Variants in PCDHB7 observed in about 807,000 individuals in gnomAD.
The protein encoded by PCDHB7 is protocadherin beta-7.
For missense variants in PCDHB7, 1,148 were observed against 1,011.6 expected (o/e 1.13, Z -1.83); for synonymous variants, 542 against 463.1 (o/e 1.17, Z -2.19).
rs183142485 is a variant in PCDHB7 at position 141,176,157 on chromosome 5, T to C, written c.*940T>C. 1 of 167,304 alleles carries C rather than the reference T, an allele frequency of 6.0e-6. No individual in the cohort carries two copies. Among genetic ancestry groups the C allele is most frequent in the East Asian group, 1.9e-4 (1 of 5,190 alleles). The allele number at this position is 167,304 out of a possible 1,614,324, so 10.4% of individuals were successfully genotyped here. A position where few individuals can be genotyped will look rare whatever the true frequency, so the allele number is the denominator to read the frequency against. ...TTGATTGCATCATTAGTTAATTATT[T>C]TCTTCATATTGTAGATTTTCTGCAG... On this transcript the variant is annotated 3_prime_UTR_variant, in exon 1 of 1. Transcript: ENST00000231137.
chr5:141,174,479 C>G lies in PCDHB7; in HGVS notation c.1644C>G (p.Arg548=), dbSNP rs782058517. The change falls in exon 1 of 1, where the codon CGC becomes CGG. Residue 548 remains arginine (R), a synonymous_variant. Transcript: ENST00000231137. The part of the protein sequence containing the change: ...SPALSSEALV[R]VLVLDANDNS... The stretch of plus-strand genomic sequence containing the variant: ...CGCTGAGCAGCGAGGCGCTGGTGCG[C>G]GTGCTGGTGCTGGACGCCAACGACA... 7 of 1,611,190 alleles carry G rather than the reference C, an allele frequency of 4.3e-6. No homozygotes were observed. In the South Asian group the frequency reaches 7.7e-5, roughly 18 times the overall value.
In PCDHB7 at chr5:141,173,052, C is replaced by A; in HGVS notation, c.217C>A (p.Gln73Lys). 1 of 1,614,162 alleles carries A rather than the reference C, an allele frequency of 6.2e-7. No individual in the cohort carries two copies. Among genetic ancestry groups the A allele is most frequent in the Middle Eastern group, 1.6e-4 (1 of 6,062 alleles). ...TAGAATTGTTTCAGACCAGAACATG[C>A]AAATTTTACTGCTCAGTTCGCTTAC... ...GTRIVSDQNM[Q>K]ILLLSSLTGD... The change falls in exon 1 of 1, where the codon CAA becomes AAA. Residue 73 changes from glutamine (Q) to lysine (K), a missense_variant. By Grantham distance (53) the Gln-to-Lys change is moderately conservative (BLOSUM62 1). Transcript: ENST00000231137.
rs267600425 is a variant in PCDHB7 at position 141,173,114 on chromosome 5, G to A, written c.279G>A (p.Glu93=). Residue 93 remains glutamate (E), a synonymous_variant, in exon 1 of 1, where the codon GAG becomes GAA. Transcript: ENST00000231137. ...DLLLNEKLDR[E]ELCGPREPCV... Reference sequence around the variant, plus strand: ...TTCTAAATGAGAAATTGGACCGAGAGGAACTGTGTGGCCCCAGAGAGCCCT... The same window carrying A: ...TTCTAAATGAGAAATTGGACCGAGAAGAACTGTGTGGCCCCAGAGAGCCCT... The A allele has an allele frequency of 3.1e-6, 5 of 1,614,082 alleles. No individual in the cohort carries two copies. The African/African-American group carries it at 6.7e-5, about 22-fold the overall frequency.
Position 141,172,927 on chromosome 5 carries a change from T to A in PCDHB7, c.92T>A (p.Leu31His), listed in dbSNP as rs782653378. Residue 31 changes from leucine to histidine, a missense_variant, in exon 1 of 1, where the codon CTT becomes CAT. Leu to His is a moderately conservative substitution (Grantham distance 99, BLOSUM62 -3). Transcript: ENST00000231137. ...ATGTCTTGGGCTGGCGCCGAACCGC[T>A]TCGGTATTTTGTGGCGGAGGAAACC... ...LGMSWAGAEP[L>H]RYFVAEETER... 6.2e-7 allele frequency: 1 copy of A among 1,614,208 alleles called. No homozygotes were observed. Among genetic ancestry groups the A allele is most frequent in the African/African-American group, 1.3e-5 (1 of 75,048 alleles).
At position 141,174,119 on chromosome 5, in the gene PCDHB7, A is replaced by G; in HGVS notation, c.1284A>G (p.Thr428=). The G allele has an allele frequency of 6.2e-7, 1 of 1,614,144 alleles. No individual in the cohort carries two copies. Among genetic ancestry groups the G allele is most frequent in the South Asian group, 1.1e-5 (1 of 91,080 alleles). ...CCATCACCGTCACCGACTTGGGGACACCCAGGCTGAAAACCGAGCACAACA... is the reference window on the plus strand; with the variant it reads ...CCATCACCGTCACCGACTTGGGGACGCCCAGGCTGAAAACCGAGCACAACA... ...NITITVTDLG[T]PRLKTEHNIT... is the part of the protein sequence containing the mutation. The change falls in exon 1 of 1, where the codon ACA becomes ACG. Residue 428 remains threonine, a synonymous_variant. Transcript: ENST00000231137.
At position 141,174,145 on chromosome 5, in the gene PCDHB7, T is replaced by C. The variant is rs782423245; in HGVS notation, c.1310T>C (p.Ile437Thr). ...CCCAGGCTGAAAACCGAGCACAACA[T>C]AACCGTGCTGGTCTCCGACGTCAAT... is the stretch of plus-strand genomic sequence containing the variant. The part of the protein sequence containing the change: ...GTPRLKTEHN[I>T]TVLVSDVNDN... The change falls in exon 1 of 1, where the codon ATA (isoleucine) becomes ACA (threonine). Residue 437 changes from isoleucine to threonine, a missense_variant. Coordinates refer to ENST00000231137, the MANE Select transcript of PCDHB7 (RefSeq NM_018940.4). The C allele has an allele frequency of 1.2e-6, 2 of 1,613,986 alleles. No homozygotes were observed. Among genetic ancestry groups the C allele is most frequent in the East Asian group, 2.2e-5 (1 of 44,878 alleles).
Position 141,173,564 on chromosome 5 carries a change from G to A in PCDHB7, c.729G>A (p.Val243=), listed in dbSNP as rs1329979707. The A allele has an allele frequency of 6.2e-7, 1 of 1,613,606 alleles. No homozygotes were observed. Among genetic ancestry groups the A allele is most frequent in the Non-Finnish European group, 8.5e-7 (1 of 1,179,656 alleles). The change falls in exon 1 of 1, where the codon GTG becomes GTA. Residue 243 remains valine (V), a synonymous_variant. Transcript: ENST00000231137. ...TAAATGACAACGCCCCTGATTTTGTGCGGTCGCTCTACAAGGTGCAGGTGC... is the reference window on the plus strand; with the variant it reads ...TAAATGACAACGCCCCTGATTTTGTACGGTCGCTCTACAAGGTGCAGGTGC... ...LDVNDNAPDF[V]RSLYKVQVPE... is the part of the protein sequence containing the mutation.
At position 141,174,209 on chromosome 5, in the gene PCDHB7, G is replaced by C. The variant is rs782069697; in HGVS notation, c.1374G>C (p.Leu458=). 1 of 1,613,382 alleles carries C rather than the reference G, an allele frequency of 6.2e-7. No homozygotes were observed. The highest frequency in any genetic ancestry group is 1.1e-5 in the South Asian group (1 of 91,034). The part of the protein sequence containing the change: ...APAFTQTSYT[L]FVRENNSPAL... Reference sequence around the variant, plus strand: ...CCTTCACCCAAACCTCCTACACCCTGTTTGTCCGTGAGAACAACAGCCCCG... The same window carrying C: ...CCTTCACCCAAACCTCCTACACCCTCTTTGTCCGTGAGAACAACAGCCCCG... Residue 458 remains leucine, a synonymous_variant, in exon 1 of 1, where the codon CTG becomes CTC. Transcript: ENST00000231137.
rs369077920 is a variant in PCDHB7, at chr5:141,174,102, G to A, written c.1267G>A (p.Val423Ile). 1.9e-6 allele frequency: 3 copies of A among 1,613,834 alleles called. No individual in the cohort carries two copies. Among genetic ancestry groups the A allele is most frequent in the Admixed American group, 3.3e-5 (2 of 60,006 alleles). ...CACTGAGTACAACATCACCATCACCGTCACCGACTTGGGGACACCCAGGCT... is the reference window on the plus strand; with the variant it reads ...CACTGAGTACAACATCACCATCACCATCACCGACTTGGGGACACCCAGGCT... ...RNTEYNITIT[V>I]TDLGTPRLKT... The change falls in exon 1 of 1, where the codon GTC becomes ATC. Residue 423 changes from valine (V) to isoleucine (I), a missense_variant. Transcript: ENST00000231137.
In PCDHB7 at chr5:141,174,749, G is replaced by C. The variant is rs1811238; in HGVS notation, c.1914G>C (p.Gln638His). The stretch of plus-strand genomic sequence containing the variant: ...TGAGCGAGCGCGACGCAGCCAAGCA[G>C]AGGCTGGTGGTGCTGGTCAAGGACA... ...RLLSERDAAK[Q>H]RLVVLVKDNG... Residue 638 changes from glutamine to histidine, a missense_variant, in exon 1 of 1, where the codon CAG becomes CAC. Coordinates refer to ENST00000231137, the MANE Select transcript of PCDHB7 (RefSeq NM_018940.4). The C allele has an allele frequency of 0.02, 31,512 of 1,607,418 alleles. 1,379 individuals carry two copies. The highest frequency in any genetic ancestry group is 0.17 in the African/African-American group (12,680 of 74,608).
rs1206113487 is a variant in PCDHB7 at position 141,173,401 on chromosome 5, A to G, written c.566A>G (p.Asn189Ser). Residue 189 changes from asparagine (N) to serine (S), a missense_variant, in exon 1 of 1, where the codon AAT (asparagine) becomes AGT (serine). By Grantham distance (46) the Asn-to-Ser change is conservative. Transcript: ENST00000231137. Reference sequence around the variant, plus strand: ...AATGTCCATGATAGCGGGGAGGGGAATATCTATCCCGAATTGGTGCTGAAT... The same window carrying G: ...AATGTCCATGATAGCGGGGAGGGGAGTATCTATCCCGAATTGGTGCTGAAT... ...HINVHDSGEG[N>S]IYPELVLNQV... 1.2e-6 allele frequency: 2 copies of G among 1,614,166 alleles called. No homozygotes were observed. The highest frequency in any genetic ancestry group is 2.2e-5 in the East Asian group (1 of 44,880).
In PCDHB7 at chr5:141,174,423, C is replaced by T. The variant is rs782375104; in HGVS notation, c.1588C>T (p.Arg530Cys). 4.3e-6 allele frequency: 7 copies of T among 1,612,024 alleles called. No homozygotes were observed. Among genetic ancestry groups the T allele is most frequent in the Middle Eastern group, 2.1e-4 (1 of 4,816 alleles). Residue 530 changes from arginine (R) to cysteine (C), a missense_variant, in exon 1 of 1, where the codon CGC becomes TGC. By Grantham distance (180) the Arg-to-Cys change is radical. Transcript: ENST00000231137. The stretch of plus-strand genomic sequence containing the variant: ...CGAGGCCCTGCAGGCGTTCGAGTTC[C>T]GCGTGGGCGCCACAGACCGCGGCTC... ...DYEALQAFEFRVGATDRGSPA... is the reference protein window; with the variant it reads ...DYEALQAFEFCVGATDRGSPA...
chr5:141,175,490 C>A lies in PCDHB7; in HGVS notation c.*273C>A. 2 of 475,576 alleles carry A rather than the reference C, an allele frequency of 4.2e-6. No individual in the cohort carries two copies. The highest frequency in any genetic ancestry group is 4.0e-5 in the Admixed American group (1 of 25,152). 29.5% of individuals were successfully genotyped at this position (475,576 alleles called of 1,614,324 possible). A position where few individuals can be genotyped will look rare whatever the true frequency, so the allele number is the denominator to read the frequency against. ...TGTTTGAGATATTTTAAATTGCTTT[C>A]CATTGTTTTCAATCTCTACTGAGAC... On this transcript the variant is annotated 3_prime_UTR_variant, in exon 1 of 1. Transcript: ENST00000231137.
In PCDHB7 at chr5:141,173,319, G is replaced by A. The variant is rs781830722; in HGVS notation, c.484G>A (p.Val162Ile). 4.3e-6 allele frequency: 7 copies of A among 1,614,042 alleles called. No homozygotes were observed. The highest frequency in any genetic ancestry group is 1.6e-4 in the Middle Eastern group (1 of 6,062). ...FLLESAQDSD[V>I]GTNSLSNYTI... ...CCTAGAGAGTGCACAGGATTCAGATGTTGGAACCAACAGCCTGAGTAACTA... is the reference window on the plus strand; with the variant it reads ...CCTAGAGAGTGCACAGGATTCAGATATTGGAACCAACAGCCTGAGTAACTA... The change falls in exon 1 of 1, where the codon GTT becomes ATT. Residue 162 changes from valine (V) to isoleucine (I), a missense_variant. Transcript: ENST00000231137.
In PCDHB7 at chr5:141,174,340, CCCTGGTCTCCATCAACGCGGACAACG is replaced by C. The variant is rs1554280221; in HGVS notation, c.1506_1531del (p.Leu503ProfsTer216). The C allele has an allele frequency of 6.2e-7, 1 of 1,612,856 alleles. No individual in the cohort carries two copies. Among genetic ancestry groups the C allele is most frequent in the Admixed American group, 1.7e-5 (1 of 59,976 alleles). ...CAGGACCCGCACCTGCCCCTCGCCTCCCTGGTCTCCATCAACGCGGACAACGGCCACCTGTTTGCCCTCAGGTCCCT... is the reference window on the plus strand; with the variant it reads ...CAGGACCCGCACCTGCCCCTCGCCTCGCCACCTGTTTGCCCTCAGGTCCCT... On this transcript the variant is annotated frameshift_variant, in exon 1 of 1. Transcript: ENST00000231137. LOFTEE classifies it low-confidence loss of function (END_TRUNC).
chr5:141,174,394 A>G lies in PCDHB7; in HGVS notation c.1559A>G (p.Asp520Gly). Residue 520 changes from aspartate to glycine, a missense_variant, in exon 1 of 1, where the codon GAC becomes GGC. Asp to Gly is a moderately conservative substitution (Grantham distance 94, BLOSUM62 -1). Coordinates refer to ENST00000231137, the MANE Select transcript of PCDHB7 (RefSeq NM_018940.4). ...CACCTGTTTGCCCTCAGGTCCCTGG[A>G]CTACGAGGCCCTGCAGGCGTTCGAG... ...NGHLFALRSL[D>G]YEALQAFEFR... is the part of the protein sequence containing the mutation. The G allele has an allele frequency of 6.2e-7, 1 of 1,612,496 alleles. No individual in the cohort carries two copies. The highest frequency in any genetic ancestry group is 1.1e-5 in the South Asian group (1 of 91,008).
Position 141,174,257 on chromosome 5 carries a change from C to T in PCDHB7, c.1422C>T (p.Ser474=), listed in dbSNP as rs1554280197. 1.9e-6 allele frequency: 3 copies of T among 1,612,596 alleles called. No individual in the cohort carries two copies. Among genetic ancestry groups the T allele is most frequent in the South Asian group, 1.1e-5 (1 of 91,016 alleles). Reference sequence around the variant, plus strand: ...CCGCCCTGCCCATCGGCAGTGTCAGCGCCACAGACAGAGACTCGGGCACCA... The same window carrying T: ...CCGCCCTGCCCATCGGCAGTGTCAGTGCCACAGACAGAGACTCGGGCACCA... ...NSPALPIGSV[S]ATDRDSGTNA... Residue 474 remains serine (S), a synonymous_variant, in exon 1 of 1, where the codon AGC becomes AGT. Transcript: ENST00000231137.
Position 141,173,938 on chromosome 5 carries a change from T to C in PCDHB7, c.1103T>C (p.Phe368Ser). 1 of 1,612,930 alleles carries C rather than the reference T, an allele frequency of 6.2e-7. No individual in the cohort carries two copies. The highest frequency in any genetic ancestry group is 8.5e-7 in the Non-Finnish European group (1 of 1,179,060). Residue 368 changes from phenylalanine to serine, a missense_variant, in exon 1 of 1, where the codon TTT becomes TCT. Phe to Ser is a radical substitution (Grantham distance 155, BLOSUM62 -2). Coordinates refer to ENST00000231137, the MANE Select transcript of PCDHB7 (RefSeq NM_018940.4). ...TCACCCGAGACAGTCGTGGCTGTTT[T>C]TAGGATTAGAGACAGAGATTCCGGG... ...ENSPETVVAV[F>S]RIRDRDSGNN...
rs1753311249 is a variant in PCDHB7 at position 141,174,358 on chromosome 5, C to A, written c.1523C>A (p.Ala508Glu). 6.2e-7 allele frequency: 1 copy of A among 1,612,826 alleles called. No individual in the cohort carries two copies. Among genetic ancestry groups the A allele is most frequent in the African/African-American group, 1.3e-5 (1 of 75,024 alleles). ...LPLASLVSIN[A>E]DNGHLFALRS... is the part of the protein sequence containing the mutation. Reference sequence around the variant, plus strand: ...CTCGCCTCCCTGGTCTCCATCAACGCGGACAACGGCCACCTGTTTGCCCTC... The same window carrying A: ...CTCGCCTCCCTGGTCTCCATCAACGAGGACAACGGCCACCTGTTTGCCCTC... Residue 508 changes from alanine (A) to glutamate (E), a missense_variant, in exon 1 of 1, where the codon GCG (alanine) becomes GAG (glutamate). Transcript: ENST00000231137.
Sources: allele counts gnomAD v4.1 joint callset, GRCh38; gene constraint gnomAD v4.1.1; transcripts MANE v1.5; gene names NCBI Gene and HGNC (gene_info 2026-07-23, HGNC 2026-07-21).